The following CNTNAP5 variants were observed in gnomAD, a reference collection of about 807,000 sequenced individuals.
CNTNAP5 encodes the protein contactin associated protein family member 5.
A neutral mutation model predicts 150.2 loss-of-function variants in CNTNAP5; 72 were observed. The observed-to-expected ratio is 0.48, with a 90% CI of 0.40 to 0.58. CNTNAP5 has a LOEUF of 0.58. Ranked by LOEUF, CNTNAP5 falls within the 20% of genes least tolerant of loss-of-function variation. The probability of loss-of-function intolerance (pLI) is 0.00; values close to 1 mark genes in which losing one functional copy is unlikely to be tolerated. For synonymous variants in CNTNAP5, 672 were observed against 619.8 expected, an observed-to-expected ratio of 1.08 and a Z score of -1.25; for missense variants, 1,636 against 1,626.2, an observed-to-expected ratio of 1.01 and a Z score of -0.10.
At position 124,713,304 on chromosome 2, in the gene CNTNAP5, CTTTCT is replaced by C. The variant is rs1325131576; in HGVS notation, c.2078-33924_2078-33920del. On this transcript the variant is annotated intron_variant, in intron 13 of 23. Transcript: ENST00000682447. ...TTCTTTCTTTCTTTCTTTCTTTCTT[CTTTCT>C]CTTTCTTTCCTTTCTTTCTTTCTTT... Among the ~76,000 whole-genome samples the C allele has an allele frequency of 2.3e-3, 130 of 55,742 alleles. 3 individuals carry two copies. The highest frequency in any genetic ancestry group is 6.6e-3 in the Admixed American group (31 of 4,722). 36.6% of individuals were successfully genotyped at this position (55,742 alleles called of 152,430 possible).
At chr2:124,263,444 G>A (rs1458333505) in intron 3 of CNTNAP5, among the ~76,000 whole-genome samples, 18 of 152,150 alleles carry the variant, frequency 1.2e-4, no homozygotes, top group African/African-American at 2.2e-4. Context: ...GCATAAAGAC[G>A]TCTTCTTTTG....
chr2:124,260,095 T>C (rs1424095995), intron 3 of CNTNAP5, among the ~76,000 whole-genome samples: 2 of 152,118 alleles, frequency 1.3e-5, no homozygotes, highest in African/African-American at 4.8e-5. Context: ...GCTGGAGGCA[T>C]CACACTACCT....
intron 3 of CNTNAP5, among the ~76,000 whole-genome samples, chr2:124,375,128 A>G (rs1277549868): frequency 6.6e-6 from 1 of 152,114 alleles, no homozygotes; most frequent in African/African-American, 2.4e-5. Context: ...ACACCACAGT[A>G]ATAATGGTCG....
chr2:124,798,319 T>C lies in CNTNAP5; in HGVS notation c.3216T>C (p.Asn1072=). ...TCGTGGTTGTTCTGCTCTGCAAGAA[T>C]GGTGAGTGTGATGGCATGATACCCA... The part of the protein sequence containing the change: ...QDFVVVLLCK[N]GSLQVRYHLN... Residue 1072 remains asparagine (N), a splice_region_variant and synonymous_variant, in exon 19 of 24, where the codon AAT becomes AAC. Coordinates refer to ENST00000682447, the MANE Select transcript of CNTNAP5 (RefSeq NM_001367498.1). 1.2e-6 allele frequency: 2 copies of C among 1,605,764 alleles called. No individual in the cohort carries two copies. The highest frequency in any genetic ancestry group is 1.7e-6 in the Non-Finnish European group (2 of 1,172,526).
At chr2:124,584,223 A>G (rs1308999401) in intron 11 of CNTNAP5, among the ~76,000 whole-genome samples, 1 of 152,150 alleles carries the variant, frequency 6.6e-6, no homozygotes, top group Admixed American at 6.6e-5. Flanking sequence ...GGGTTTTGCA[A>G]GAAGATCTTG....
chr2:124,364,715 A>T (rs1690320057), intron 3 of CNTNAP5, among the ~76,000 whole-genome samples: 1 of 152,264 alleles, frequency 6.6e-6, no homozygotes. Flanking sequence ...TTCCTGAGAT[A>T]GAATTCCTTA....
At chr2:124,658,920 C>G (rs1290103280) in intron 13 of CNTNAP5, among the ~76,000 whole-genome samples, 1 of 152,140 alleles carries the variant, frequency 6.6e-6, no homozygotes, top group Non-Finnish European at 1.5e-5. Flanking sequence ...TTTCTTCACA[C>G]CTGAGTCCTC....
chr2:124,754,417 C>T (rs116062113), intron 14 of CNTNAP5, among the ~76,000 whole-genome samples: 54 of 152,152 alleles, frequency 3.5e-4, no homozygotes, highest in African/African-American at 1.3e-3. Context: ...CTCACTCGGT[C>T]CCTGAATTCC....
intron 21 of CNTNAP5, 96 bp from the exon 22 acceptor site, chr2:124,902,786 T>G: frequency 1.3e-6 from 1 of 769,044 alleles, no homozygotes; most frequent in Non-Finnish European, 2.0e-6. Context: ...AACAAGGTAA[T>G]TTCTGTAATT....
intron 13 of CNTNAP5, among the ~76,000 whole-genome samples, chr2:124,663,843 T>C (rs1678643209): frequency 1.3e-5 from 2 of 152,152 alleles, no homozygotes; most frequent in African/African-American, 4.8e-5. Context: ...AATGAATTCC[T>C]CCCTTCTTAA....
At chr2:124,061,445 A>G (rs1271317617) in intron 1 of CNTNAP5, among the ~76,000 whole-genome samples, 1 of 152,182 alleles carries the variant, frequency 6.6e-6, no homozygotes, top group Admixed American at 6.5e-5. Flanking sequence ...TCTATGAGAA[A>G]AGGAAAATGT....
chr2:124,310,909 A>G (rs1688812943), intron 3 of CNTNAP5, among the ~76,000 whole-genome samples: 1 of 152,154 alleles, frequency 6.6e-6, no homozygotes, highest in African/African-American at 2.4e-5. Flanking sequence ...GCAAGTGCCT[A>G]ACCATGCTGA....
intron 12 of CNTNAP5, among the ~76,000 whole-genome samples, chr2:124,631,684 G>C (rs184427212): frequency 2.6e-5 from 4 of 151,920 alleles, no homozygotes; most frequent in African/African-American, 9.7e-5. Flanking sequence ...TGATGAAATT[G>C]CCAAAAGCAA....
chr2:124,371,535 A>T (rs1018908421), intron 3 of CNTNAP5, among the ~76,000 whole-genome samples: 3 of 152,128 alleles, frequency 2.0e-5, no homozygotes, highest in African/African-American at 7.2e-5. Flanking sequence ...CAACTGCAGG[A>T]TTTCTTATAG....
At chr2:124,329,539 A>C (rs1689297873) in intron 3 of CNTNAP5, among the ~76,000 whole-genome samples, 1 of 152,094 alleles carries the variant, frequency 6.6e-6, no homozygotes, top group Admixed American at 6.6e-5. Flanking sequence ...AAAGCTCCAT[A>C]CCTTGGTATA....
At chr2:124,300,778 A>G (rs1437861936) in intron 3 of CNTNAP5, among the ~76,000 whole-genome samples, 2 of 152,198 alleles carry the variant, frequency 1.3e-5, no homozygotes, top group Non-Finnish European at 2.9e-5. Context: ...CTGAGGGACA[A>G]CAGCAGCTTT....
intron 11 of CNTNAP5, among the ~76,000 whole-genome samples, chr2:124,591,948 C>G (rs1298539495): frequency 6.6e-6 from 1 of 151,858 alleles, no homozygotes; most frequent in Non-Finnish European, 1.5e-5. Context: ...AAGTTCATAC[C>G]CCCATTTATT....
Position 124,706,922 on chromosome 2 carries a change from A to G in CNTNAP5, c.2078-40307A>G, listed in dbSNP as rs1434387235. On this transcript the variant is annotated intron_variant, in intron 13 of 23. Transcript: ENST00000682447. ...GAAGAAGGAGGAGGAGGAGGAGAAG[A>G]AGAAGAAGAAGAAGAAGAAGGAGGA... is the stretch of plus-strand genomic sequence containing the variant. Among the ~76,000 whole-genome samples the G allele has an allele frequency of 2.3e-4, 25 of 108,992 alleles. 1 individual carries two copies. The highest frequency in any genetic ancestry group is 6.1e-4 in the African/African-American group (18 of 29,534). The allele number at this position is 108,992 out of a possible 152,430, so 71.5% of individuals were successfully genotyped here. A position where few individuals can be genotyped will look rare whatever the true frequency, so the allele number is the denominator to read the frequency against.
intron 3 of CNTNAP5, among the ~76,000 whole-genome samples, chr2:124,322,025 C>G (rs1329620684): frequency 6.6e-6 from 1 of 152,010 alleles, no homozygotes; most frequent in Non-Finnish European, 1.5e-5. Flanking sequence ...TGGCACCCGC[C>G]TATAATCCCA....
Sources: gnomAD v4.1 joint callset for allele counts (sites outside exome capture counted in the v4.1 genomes callset) on GRCh38, gnomAD v4.1.1 for gene constraint, MANE v1.5 for transcripts, NCBI Gene and HGNC (gene_info 2026-07-23, HGNC 2026-07-21) for gene names.